SOX6: variants seen among roughly 807,000 people sequenced by gnomAD.
SOX6 encodes transcription factor SOX-6.
SOX6 carries 11 observed loss-of-function variants against 97.8 expected under a neutral mutation model. That is an observed-to-expected ratio of 0.11 (90% CI 0.07 to 0.19). The LOEUF is 0.19. SOX6 is among the 10% of genes least tolerant of loss of function. The pLI is 1.00. For synonymous variants in SOX6, 360 were observed against 371.4 expected, an observed-to-expected ratio of 0.97 and a Z score of 0.35; for missense variants, 810 against 1,039.5, an observed-to-expected ratio of 0.78 and a Z score of 3.04.
intron 2 of SOX6, among the ~76,000 whole-genome samples, chr11:16,732,563 T>A (rs1206413333): frequency 1.3e-5 from 2 of 152,154 alleles, no homozygotes; most frequent in Non-Finnish European, 2.9e-5. Flanking sequence ...GACCCCTTCC[T>A]TACACTTTAT....
Position 16,374,929 on chromosome 11 carries a change from T to C in SOX6, c.-4-33677A>G, listed in dbSNP as rs183897310. 3.9e-5 allele frequency among the ~76,000 whole-genome samples: 6 copies of C among 152,198 alleles called. No homozygotes were observed. The East Asian group carries it at 9.7e-4, about 24-fold the overall frequency. On this transcript the variant is annotated intron_variant, in intron 1 of 15. Coordinates refer to the SOX6 transcript ENST00000396356. ...TCATTTTTGTTATTATTGACATTTC[T>C]ATATTTTCTATCACTGTTTTAAAAA...
chr11:16,267,261 C>A (rs1167179773), intron 3 of SOX6, among the ~76,000 whole-genome samples: 1 of 151,100 alleles, frequency 6.6e-6, no homozygotes, highest in Non-Finnish European at 1.5e-5. Flanking sequence ...AGACAATCTA[C>A]AAATTGGGAA....
At chr11:16,067,193 G>A (rs905651476) in intron 9 of SOX6, among the ~76,000 whole-genome samples, 1 of 152,166 alleles carries the variant, frequency 6.6e-6, no homozygotes, top group African/African-American at 2.4e-5. Flanking sequence ...GAGACTGCTG[G>A]AAAGGCATGA....
chr11:16,099,257 C>A (rs1802406712), intron 7 of SOX6, among the ~76,000 whole-genome samples: 1 of 151,882 alleles, frequency 6.6e-6, no homozygotes, highest in African/African-American at 2.4e-5. Flanking sequence ...AAAAAGATAA[C>A]TAGGCCAAAT....
At chr11:16,725,984 C>G (rs1848303769) in intron 2 of SOX6, among the ~76,000 whole-genome samples, 1 of 152,124 alleles carries the variant, frequency 6.6e-6, no homozygotes, top group African/African-American at 2.4e-5. Context: ...ACAATACCTC[C>G]TTTTCTATTT....
intron 4 of SOX6, among the ~76,000 whole-genome samples, chr11:16,542,200 A>G (rs1861419889): frequency 6.6e-6 from 1 of 152,198 alleles, no homozygotes; most frequent in African/African-American, 2.4e-5. Flanking sequence ...CATTCTCAGC[A>G]AACTATCACA....
At chr11:16,489,426 A>G (rs985834165) in intron 4 of SOX6, among the ~76,000 whole-genome samples, 2 of 152,126 alleles carry the variant, frequency 1.3e-5, no homozygotes, top group African/African-American at 2.4e-5. Flanking sequence ...TTATGTCATT[A>G]TGTGGTTATT....
intron 3 of SOX6, among the ~76,000 whole-genome samples, chr11:16,713,024 T>TA (rs543017209): frequency 7.4e-4 from 112 of 152,216 alleles, no homozygotes; most frequent in Non-Finnish European, 1.3e-3. Flanking sequence ...CTTTTACAAA[T>TA]AAAAAACTGA....
chr11:16,098,679 G>A lies in SOX6; in HGVS notation c.899-991C>T, dbSNP rs569575607. Among the ~76,000 whole-genome samples, 145 of 151,912 alleles carry A rather than the reference G, an allele frequency of 9.5e-4. 1 individual carries two copies. The South Asian group carries it at 0.03, about 31-fold the overall frequency. On this transcript the variant is annotated intron_variant, in intron 7 of 15. Transcript: ENST00000683767. Reference sequence around the variant, plus strand: ...CTTCAGCTACTTATTTAAAGTCAGCGTTATGTAATATCTCTAGGCTATATT... The same window carrying A: ...CTTCAGCTACTTATTTAAAGTCAGCATTATGTAATATCTCTAGGCTATATT...
At chr11:16,242,093 A>G (rs1389641074) in intron 3 of SOX6, among the ~76,000 whole-genome samples, 1 of 152,088 alleles carries the variant, frequency 6.6e-6, no homozygotes, top group African/African-American at 2.4e-5. Context: ...CCATCTGGAA[A>G]CCACCAAAGA....
At chr11:16,609,210 T>C (rs993730864) in intron 4 of SOX6, among the ~76,000 whole-genome samples, 4 of 152,276 alleles carry the variant, frequency 2.6e-5, no homozygotes, top group African/African-American at 9.6e-5. Flanking sequence ...AGCACAAGGC[T>C]AACTAGAGGC....
chr11:16,205,852 G>A (rs997822981), intron 4 of SOX6, among the ~76,000 whole-genome samples: 9 of 152,086 alleles, frequency 5.9e-5, no homozygotes, highest in Non-Finnish European at 1.0e-4. Context: ...CCTTGTACAA[G>A]TAATTCTCTG....
chr11:16,043,391 T>C (rs1242047222), intron 12 of SOX6, among the ~76,000 whole-genome samples: 1 of 152,096 alleles, frequency 6.6e-6, no homozygotes, highest in Non-Finnish European at 1.5e-5. Flanking sequence ...TTACAGTCTA[T>C]TGTCCCTACA....
chr11:16,737,132 A>T (rs1848397302), intron 1 of SOX6, among the ~76,000 whole-genome samples: 1 of 152,244 alleles, frequency 6.6e-6, no homozygotes, highest in African/African-American at 2.4e-5. Context: ...TCAAAAGCTA[A>T]TAGCTAAGCA....
chr11:16,496,906 G>C (rs1860608701), intron 4 of SOX6, among the ~76,000 whole-genome samples: 1 of 152,236 alleles, frequency 6.6e-6, no homozygotes, highest in Admixed American at 6.5e-5. Context: ...TGCATAGCCA[G>C]ACAAAAGGCA....
At chr11:16,446,592 G>A (rs969450483) in intron 1 of SOX6, among the ~76,000 whole-genome samples, 5 of 151,900 alleles carry the variant, frequency 3.3e-5, no homozygotes, top group African/African-American at 9.7e-5. Flanking sequence ...AATGTATTAC[G>A]CACATAAACA....
intron 3 of SOX6, among the ~76,000 whole-genome samples, chr11:16,288,707 A>G (rs1854823159): frequency 6.6e-6 from 1 of 151,958 alleles, no homozygotes; most frequent in African/African-American, 2.4e-5. Context: ...ATAACAGTTC[A>G]GTTACCAAAA....
intron 3 of SOX6, among the ~76,000 whole-genome samples, chr11:16,683,621 C>T (rs1031700687): frequency 3.3e-5 from 5 of 152,270 alleles, no homozygotes; most frequent in African/African-American, 7.2e-5. Flanking sequence ...AGACCTAAAA[C>T]CATAAAAACC....
intron 12 of SOX6, among the ~76,000 whole-genome samples, chr11:16,032,137 C>A (rs916257476): frequency 6.6e-6 from 1 of 152,108 alleles, no homozygotes; most frequent in African/African-American, 2.4e-5. Context: ...AATCAATGAG[C>A]ATTTTAGGCT....
Sources: gnomAD v4.1 joint callset for allele counts (sites outside exome capture counted in the v4.1 genomes callset) on GRCh38, gnomAD v4.1.1 for gene constraint, MANE v1.5 for transcripts, NCBI Gene and HGNC (gene_info 2026-07-23, HGNC 2026-07-21) for gene names.